The following YIPF7 variants were observed in gnomAD, a reference collection of about 807,000 sequenced individuals.
YIPF7 encodes the protein protein YIPF7.
Under a neutral mutation model 27.2 loss-of-function variants are expected in YIPF7, and 35 were observed. The observed-to-expected ratio is 1.29, with a 90% CI of 0.98 to 1.70. The LOEUF is 1.70. Among genes scored for constraint, YIPF7 ranks in the 40% most tolerant of loss-of-function variants. The pLI, the probability that YIPF7 is intolerant of heterozygous loss-of-function variation, is 0.00. For synonymous variants in YIPF7, 137 were observed against 110.4 expected (o/e 1.24, Z -1.51); for missense variants, 358 against 303.7 (o/e 1.18, Z -1.33).
Position 44,629,593 on chromosome 4 carries a change from G to C in YIPF7, c.281-45C>G, listed in dbSNP as rs557439975. On this transcript the variant is annotated intron_variant, in intron 3 of 5. Transcript: ENST00000415895. ...TAAATAATATGATAACATAAATATA[G>C]AAAAATAAAAATAAGTTACACTCTT... 37 of 1,382,122 alleles carry C rather than the reference G, an allele frequency of 2.7e-5. No homozygotes were observed. The South Asian group carries it at 5.1e-4, about 19-fold the overall frequency. The allele number at this position is 1,382,122 out of a possible 1,614,324, so 85.6% of individuals were successfully genotyped here.
Position 44,650,494 on chromosome 4 carries a change from TGCGC to T in YIPF7, c.-1-397_-1-394del, listed in dbSNP as rs72183782. On this transcript the variant is annotated intron_variant, in intron 1 of 5. Transcript: ENST00000415895. ...TTCATTTTAAGCAGGCGCACACACA[TGCGC>T]GCGCGCGCGCACACACACACACACA... Among the ~76,000 whole-genome samples, 1,157 of 133,778 alleles carry T rather than the reference TGCGC, an allele frequency of 8.6e-3. 9 individuals carry two copies. The highest frequency in any genetic ancestry group is 0.03 in the African/African-American group (1,086 of 36,316). The allele number at this position is 133,778 out of a possible 152,430, so 87.8% of individuals were successfully genotyped here. A position where few individuals can be genotyped will look rare whatever the true frequency, so the allele number is the denominator to read the frequency against.
intron 1 of YIPF7, among the ~76,000 whole-genome samples, chr4:44,661,962 C>A (rs1465947828): frequency 6.6e-6 from 1 of 152,210 alleles, no homozygotes. Context: ...GAGGTACTGT[C>A]AGCCTTTTTC....
chr4:44,633,720 G>GA (rs60779026), intron 3 of YIPF7, among the ~76,000 whole-genome samples: 78,762 of 150,276 alleles, frequency 0.52, 21,887 homozygotes, highest in Non-Finnish European at 0.63. Context: ...CACAAGCTAG[G>GA]AAAAAAAAAG....
intron 1 of YIPF7, among the ~76,000 whole-genome samples, chr4:44,651,347 T>C (rs1713732361): frequency 6.6e-6 from 1 of 152,180 alleles, no homozygotes; most frequent in African/African-American, 2.4e-5. Context: ...ATTTATAATT[T>C]AAAGAAATTA....
At chr4:44,634,172 C>T (rs1238595825) in intron 3 of YIPF7, among the ~76,000 whole-genome samples, 1 of 152,196 alleles carries the variant, frequency 6.6e-6, no homozygotes, top group Non-Finnish European at 1.5e-5. Context: ...TATGATAGAA[C>T]TCTGTGAAAC....
At chr4:44,654,621 A>G (rs765807596), upstream of YIPF7, among the ~76,000 whole-genome samples, 1 of 152,004 alleles carries the variant, frequency 6.6e-6, no homozygotes, top group Non-Finnish European at 1.5e-5. Flanking sequence ...TATTTGATAG[A>G]CATTTCAAAC....
chr4:44,640,134 T>A (rs1713277217), intron 2 of YIPF7, among the ~76,000 whole-genome samples: 3 of 152,222 alleles, frequency 2.0e-5, no homozygotes, highest in Non-Finnish European at 1.5e-5. Context: ...TCATCAGAAC[T>A]ATTGGTCTAG....
intron 2 of YIPF7, among the ~76,000 whole-genome samples, chr4:44,639,275 C>T (rs1399502589): frequency 6.6e-6 from 1 of 152,008 alleles, no homozygotes; most frequent in Non-Finnish European, 1.5e-5. Context: ...CTATAGATTG[C>T]TTTGGGCCTT....
chr4:44,639,206 G>A (rs1270444294), intron 2 of YIPF7, among the ~76,000 whole-genome samples: 8 of 151,942 alleles, frequency 5.3e-5, no homozygotes, highest in Non-Finnish European at 8.8e-5. Flanking sequence ...TTTTAGGATA[G>A]TTTTTTTCTA....
At chr4:44,627,532 T>C (rs1470930293) in intron 4 of YIPF7, among the ~76,000 whole-genome samples, 4 of 152,226 alleles carry the variant, frequency 2.6e-5, no homozygotes, top group Non-Finnish European at 4.4e-5. Flanking sequence ...AATTAACCTA[T>C]AATCAAATGA....
chr4:44,659,851 C>T lies in YIPF7; in HGVS notation c.-2+598G>A, dbSNP rs181968420. Among the ~76,000 whole-genome samples the T allele has an allele frequency of 2.4e-3, 366 of 152,082 alleles. 2 individuals are homozygous for T. Among genetic ancestry groups the T allele is most frequent in the African/African-American group, 8.0e-3 (334 of 41,494 alleles). On this transcript the variant is annotated intron_variant, in intron 2 of 2. Transcript: ENST00000508947. The stretch of plus-strand genomic sequence containing the variant: ...AATCTTGGCCAGGCGCGGTGGCTCA[C>T]GCCTATAATCCCAGCACTTTGGGAG...
At chr4:44,633,015 G>A (rs1458491497) in intron 3 of YIPF7, among the ~76,000 whole-genome samples, 3 of 152,330 alleles carry the variant, frequency 2.0e-5, no homozygotes, top group Non-Finnish European at 2.9e-5. Flanking sequence ...TCCGCCTCCT[G>A]CCAGATGAGC....
At chr4:44,645,614 T>C (rs2109596298) in intron 2 of YIPF7, among the ~76,000 whole-genome samples, 1 of 152,336 alleles carries the variant, frequency 6.6e-6, no homozygotes, top group African/African-American at 2.4e-5. Flanking sequence ...TATTGGAAGA[T>C]AAATACTGAA....
chr4:44,653,808 A>T, upstream of YIPF7, among the ~76,000 whole-genome samples: 1 of 152,120 alleles, frequency 6.6e-6, no homozygotes, highest in Non-Finnish European at 1.5e-5. Flanking sequence ...TTTACGTGAG[A>T]ACATAGGTCC....
intron 2 of YIPF7, among the ~76,000 whole-genome samples, chr4:44,641,733 T>C (rs1039794410): frequency 1.5e-4 from 23 of 152,220 alleles, no homozygotes; most frequent in African/African-American, 2.4e-5. Flanking sequence ...GCCACAGATA[T>C]AGAGGGGGGA....
intron 2 of YIPF7, among the ~76,000 whole-genome samples, chr4:44,638,262 A>G (rs987110101): frequency 1.4e-5 from 2 of 140,860 alleles, no homozygotes; most frequent in South Asian, 4.4e-4. Context: ...TGCCGATTCA[A>G]TCTTGAATCA....
Position 44,622,331 on chromosome 4 carries a change from A to T in YIPF7, c.*83T>A. On this transcript the variant is annotated 3_prime_UTR_variant, in exon 6 of 6. Coordinates refer to ENST00000415895, the MANE Select transcript of YIPF7 (RefSeq NM_182592.3). ...TCTCAAAAGCAATAAAACAGAAATC[A>T]TATCACCAAATTTGAATGTTAATAT... The T allele has an allele frequency of 6.8e-7, 1 of 1,469,340 alleles. No homozygotes were observed. The highest frequency in any genetic ancestry group is 9.1e-7 in the Non-Finnish European group (1 of 1,097,174). The allele number at this position is 1,469,340 out of a possible 1,614,324, so 91.0% of individuals were successfully genotyped here.
chr4:44,660,288 T>C (rs1389132002), intron 2 of YIPF7, among the ~76,000 whole-genome samples: 1 of 152,096 alleles, frequency 6.6e-6, no homozygotes, highest in Non-Finnish European at 1.5e-5. Flanking sequence ...TGTAATTTCC[T>C]TCACCTTGAA....
chr4:44,628,628 A>G (rs1712757332), intron 4 of YIPF7, among the ~76,000 whole-genome samples: 1 of 148,876 alleles, frequency 6.7e-6, no homozygotes, highest in African/African-American at 2.5e-5. Context: ...CCTCCTTGGT[A>G]TAAAGTCAGA....
Sources: gnomAD v4.1 joint callset for allele counts (sites outside exome capture counted in the v4.1 genomes callset) on GRCh38, gnomAD v4.1.1 for gene constraint, MANE v1.5 for transcripts, NCBI Gene and HGNC (gene_info 2026-07-23, HGNC 2026-07-21) for gene names.